The following PIP5K1B variants were observed in gnomAD, a reference collection of about 807,000 sequenced individuals.
PIP5K1B encodes phosphatidylinositol 4-phosphate 5-kinase type-1 beta.
In PIP5K1B, 42 loss-of-function variants were observed where a neutral mutation model predicts 67.0. The ratio of observed to expected loss-of-function variants is 0.63; its 90% CI spans 0.49 to 0.81. The LOEUF is 0.81. Ranked by LOEUF, PIP5K1B falls within the 30% of genes least tolerant of loss-of-function variation. PIP5K1B has a pLI of 0.00. For missense variants in PIP5K1B, 459 were observed against 646.3 expected, an observed-to-expected ratio of 0.71 and a Z score of 3.14; for synonymous variants, 214 against 231.4, an observed-to-expected ratio of 0.92 and a Z score of 0.68.
At chr9:68,880,700 C>G (rs1173312212) in intron 6 of PIP5K1B, among the ~76,000 whole-genome samples, 1 of 152,098 alleles carries the variant, frequency 6.6e-6, no homozygotes, top group Non-Finnish European at 1.5e-5. Context: ...ATTTGTCCAC[C>G]TCCCTCATTC....
chr9:68,877,720 C>T (rs1587602814), intron 6 of PIP5K1B, among the ~76,000 whole-genome samples: 1 of 152,126 alleles, frequency 6.6e-6, no homozygotes, highest in Non-Finnish European at 1.5e-5. Flanking sequence ...TGAAGACTCT[C>T]GGATGTCTCC....
chr9:68,736,864 GTTCTGGGGATTAGGATGTGGACATC>G (rs1267741264), intron 1 of PIP5K1B, among the ~76,000 whole-genome samples: 3 of 152,156 alleles, frequency 2.0e-5, no homozygotes, highest in Admixed American at 1.3e-4. Context: ...ATATTCACAA[GTTCTGGGGATTAGGATGTGGACATC>G]TTTGGGGACA....
At chr9:68,884,853 G>C (rs1162282239) in intron 6 of PIP5K1B, among the ~76,000 whole-genome samples, 1 of 152,190 alleles carries the variant, frequency 6.6e-6, no homozygotes, top group Non-Finnish European at 1.5e-5. Flanking sequence ...CTTGTATACT[G>C]TTGGTGGGAA....
At chr9:69,002,329 A>G (rs1324666884) in intron 15 of PIP5K1B, among the ~76,000 whole-genome samples, 2 of 152,226 alleles carry the variant, frequency 1.3e-5, no homozygotes, top group African/African-American at 4.8e-5. Flanking sequence ...TATATTTTTT[A>G]AGTACAAAGG....
chr9:68,800,103 A>G (rs1204230066), intron 2 of PIP5K1B, among the ~76,000 whole-genome samples: 2 of 152,360 alleles, frequency 1.3e-5, no homozygotes, highest in African/African-American at 2.4e-5. Context: ...TCCAAAGAAA[A>G]CATACATGAG....
chr9:68,972,533 T>A (rs972919130), intron 14 of PIP5K1B, among the ~76,000 whole-genome samples: 2 of 152,086 alleles, frequency 1.3e-5, no homozygotes, highest in African/African-American at 4.8e-5. Flanking sequence ...CCCAGTTACT[T>A]GGGAGCGTAA....
chr9:68,826,258 A>C (rs1007027439), intron 4 of PIP5K1B, among the ~76,000 whole-genome samples: 2 of 152,190 alleles, frequency 1.3e-5, no homozygotes, highest in African/African-American at 4.8e-5. Flanking sequence ...TAAATGCAGA[A>C]GCCTACTGGG....
chr9:68,800,374 C>T (rs1832536035), intron 2 of PIP5K1B, among the ~76,000 whole-genome samples: 1 of 152,218 alleles, frequency 6.6e-6, no homozygotes, highest in African/African-American at 2.4e-5. Context: ...AGGGCCTGCA[C>T]ATGCACAGGT....
intron 8 of PIP5K1B, among the ~76,000 whole-genome samples, chr9:68,907,620 G>A (rs1825679254): frequency 6.6e-6 from 1 of 151,840 alleles, no homozygotes; most frequent in Admixed American, 6.6e-5. Flanking sequence ...GATTTTTCCT[G>A]CTCTATGAAA....
intron 8 of PIP5K1B, among the ~76,000 whole-genome samples, chr9:68,908,715 T>G (rs1825729752): frequency 1.3e-5 from 2 of 152,204 alleles, no homozygotes. Flanking sequence ...AGAACTGTAT[T>G]CTGAGGGGTC....
intron 2 of PIP5K1B, among the ~76,000 whole-genome samples, chr9:68,748,719 T>G (rs1829460240): frequency 6.7e-6 from 1 of 148,726 alleles, no homozygotes; most frequent in South Asian, 2.1e-4. Flanking sequence ...CCTCCCAGGT[T>G]CAAGCGATTC....
chr9:68,705,835 T>C (rs1051785372), intron 1 of PIP5K1B, 73 bp downstream of exon 1: 2 of 151,862 alleles, frequency 1.3e-5, no homozygotes, highest in African/African-American at 4.8e-5. Flanking sequence ...GGGCTCTGCA[T>C]CTCTGCTGAA....
intron 2 of PIP5K1B, among the ~76,000 whole-genome samples, chr9:68,807,173 C>A (rs532028074): frequency 1.3e-5 from 2 of 152,166 alleles, no homozygotes; most frequent in African/African-American, 4.8e-5. Flanking sequence ...CTCAAAGTAC[C>A]TCACATAAAG....
rs200797718 is a variant in PIP5K1B, at chr9:68,918,087, A to ATTTTTTTTTTTTTTTTTTTTT, written c.983+331_983+332insTTTTTTTTTTTTTTTTTTTTT. Among the ~76,000 whole-genome samples, 4 of 133,018 alleles carry ATTTTTTTTTTTTTTTTTTTTT rather than the reference A, an allele frequency of 3.0e-5. 2 individuals carry two copies. 87.3% of individuals were successfully genotyped at this position (133,018 alleles called of 152,430 possible). ...TTTGAATAAACATGTTTTATTGTTT[A>ATTTTTTTTTTTTTTTTTTTTT]TTTATTTATTTTTTTTTTTTGAGAC... On this transcript the variant is annotated intron_variant, in intron 9 of 15. Transcript: ENST00000265382.
intron 12 of PIP5K1B, among the ~76,000 whole-genome samples, chr9:68,924,305 G>T (rs1229347906): frequency 6.7e-6 from 1 of 150,094 alleles, no homozygotes; most frequent in Non-Finnish European, 1.5e-5. Context: ...AGGAGGCTGA[G>T]GCAGGAGAAT....
At chr9:68,991,088 T>C (rs1186054731) in intron 14 of PIP5K1B, 52 bp from the exon 15 acceptor site, 3 of 1,038,304 alleles carry the variant, frequency 2.9e-6, no homozygotes, top group Non-Finnish European at 3.1e-6. Flanking sequence ...GGAGGTGTCT[T>C]TAGATTTTGT....
intron 5 of PIP5K1B, among the ~76,000 whole-genome samples, chr9:68,875,064 G>A (rs1248619838): frequency 2.0e-5 from 3 of 151,842 alleles, no homozygotes; most frequent in Non-Finnish European, 4.4e-5. Flanking sequence ...ACAGCACTGG[G>A]GCATCATGCA....
At chr9:68,773,794 G>A (rs997821183) in intron 2 of PIP5K1B, among the ~76,000 whole-genome samples, 2 of 152,162 alleles carry the variant, frequency 1.3e-5, no homozygotes, top group Non-Finnish European at 2.9e-5. Flanking sequence ...CAATTTTAAG[G>A]TAGATAACAT....
At chr9:68,791,908 G>T (rs915214142) in intron 2 of PIP5K1B, among the ~76,000 whole-genome samples, 11 of 152,336 alleles carry the variant, frequency 7.2e-5, no homozygotes, top group African/African-American at 2.2e-4. Flanking sequence ...CTGCAGTTCA[G>T]TGTTTTCTGT....
Sources: allele counts gnomAD v4.1 joint callset (sites outside exome capture counted in the v4.1 genomes callset), GRCh38; gene constraint gnomAD v4.1.1; transcripts MANE v1.5; gene names NCBI Gene and HGNC (gene_info 2026-07-23, HGNC 2026-07-21).